The following ZNF30 variants were observed in gnomAD, a reference collection of about 807,000 sequenced individuals.
The protein encoded by ZNF30 is zinc finger protein 30.
ZNF30 carries 15 observed loss-of-function variants against 13.2 expected under a neutral mutation model. The observed-to-expected ratio is 1.13, with a 90% CI of 0.76 to 1.75. ZNF30 has a LOEUF of 1.75. Among genes scored for constraint, ZNF30 ranks in the 40% most tolerant of loss-of-function variants. ZNF30 has a pLI of 0.00. For missense variants in ZNF30, 726 were observed against 757.0 expected, an observed-to-expected ratio of 0.96 and a Z score of 0.48; for synonymous variants, 223 against 256.6, an observed-to-expected ratio of 0.87 and a Z score of 1.25.
chr19:34,928,308 A>C (rs1327182317), intron 1 of ZNF30, among the ~76,000 whole-genome samples: 2 of 147,496 alleles, frequency 1.4e-5, no homozygotes, highest in African/African-American at 4.9e-5. Flanking sequence ...CAAGTGTTTA[A>C]TTAAAATGAA....
chr19:34,924,214 T>G (rs1023936838), upstream of ZNF30, among the ~76,000 whole-genome samples: 1 of 152,192 alleles, frequency 6.6e-6, no homozygotes, highest in Non-Finnish European at 1.5e-5. Flanking sequence ...CTGTCATCTA[T>G]GGAGTGATCA....
At chr19:34,938,975 A>T (rs969386909) in intron 4 of ZNF30, among the ~76,000 whole-genome samples, 1 of 152,140 alleles carries the variant, frequency 6.6e-6, no homozygotes, top group Non-Finnish European at 1.5e-5. Context: ...ACCCTTAGCA[A>T]TTCCACGGGC....
At chr19:34,926,642 T>C (rs1180837721), upstream of ZNF30, 3 of 246,084 alleles carry the variant, frequency 1.2e-5, no homozygotes, top group Non-Finnish European at 2.3e-5. Context: ...TTCAAACACC[T>C]AGTTTTCATA....
intron 4 of ZNF30, among the ~76,000 whole-genome samples, chr19:34,939,826 C>G (rs1227359290): frequency 6.6e-6 from 1 of 152,108 alleles, no homozygotes; most frequent in African/African-American, 2.4e-5. Flanking sequence ...GCATAATTGA[C>G]AAATAATGAT....
intron 4 of ZNF30, among the ~76,000 whole-genome samples, chr19:34,938,549 A>G (rs1244680705): frequency 6.6e-6 from 1 of 152,062 alleles, no homozygotes; most frequent in African/African-American, 2.4e-5. Context: ...CTCTATATCT[A>G]TATATATAAA....
At chr19:34,933,127 A>G (rs1263925974) in intron 3 of ZNF30, among the ~76,000 whole-genome samples, 1 of 152,044 alleles carries the variant, frequency 6.6e-6, no homozygotes, top group Non-Finnish European at 1.5e-5. Context: ...ATCTATATTT[A>G]TAATAGTTAG....
rs1045798511 is a variant in ZNF30, at chr19:34,943,692, A to G, written c.726A>G (p.Leu242=). 14 of 1,613,246 alleles carry G rather than the reference A, an allele frequency of 8.7e-6. No homozygotes were observed. Among genetic ancestry groups the G allele is most frequent in the African/African-American group, 2.7e-5 (2 of 74,908 alleles). The change falls in exon 5 of 5, where the codon CTA becomes CTG. Residue 242 remains leucine (L), a synonymous_variant. Transcript: ENST00000601142. The part of the protein sequence containing the change: ...YECGECGKAF[L]VYGKLTRHQS... Reference sequence around the variant, plus strand: ...GCGGGGAATGTGGGAAAGCTTTTCTAGTATATGGAAAGCTTACCCGGCATC... The same window carrying G: ...GCGGGGAATGTGGGAAAGCTTTTCTGGTATATGGAAAGCTTACCCGGCATC...
chr19:34,931,786 T>C (rs1274604119), intron 2 of ZNF30, 57 bp from the exon 3 acceptor site: 5 of 1,559,940 alleles, frequency 3.2e-6, no homozygotes, highest in African/African-American at 1.4e-5. Flanking sequence ...CTTACTACAC[T>C]GAAACGTTTT....
At position 34,944,205 on chromosome 19, in the gene ZNF30, A is replaced by G. The variant is rs1393214127; in HGVS notation, c.1239A>G (p.Ser413=). The G allele has an allele frequency of 3.1e-6, 5 of 1,613,936 alleles. No homozygotes were observed. Among genetic ancestry groups the G allele is most frequent in the Non-Finnish European group, 4.2e-6 (5 of 1,179,998 alleles). Residue 413 remains serine (S), a synonymous_variant, in exon 5 of 5, where the codon TCA becomes TCG. Transcript: ENST00000601142. ...GTGGCAAGGCCTTTAGTACTGGCTCATACCTTGTTCAGCATCAGAGGATCC... is the reference window on the plus strand; with the variant it reads ...GTGGCAAGGCCTTTAGTACTGGCTCGTACCTTGTTCAGCATCAGAGGATCC... ...KECGKAFSTG[S]YLVQHQRIHT...
At chr19:34,925,336 A>C (rs1194956308), upstream of ZNF30, among the ~76,000 whole-genome samples, 4 of 152,186 alleles carry the variant, frequency 2.6e-5, no homozygotes, top group African/African-American at 7.2e-5. Context: ...TTGGAGGATG[A>C]CTGCAGGGTT....
In ZNF30 at chr19:34,945,066, A is replaced by T; in HGVS notation, c.*228A>T. ...CCATTCAGAAAAAGTGGGAAACGTT[A>T]TTACTTAATGGTTACAGCACTGACA... On this transcript the variant is annotated 3_prime_UTR_variant, in exon 5 of 5. Coordinates refer to ENST00000601142, the MANE Select transcript of ZNF30 (RefSeq NM_194325.3). 1 of 461,320 alleles carries T rather than the reference A, an allele frequency of 2.2e-6. No individual in the cohort carries two copies. Among genetic ancestry groups the T allele is most frequent in the East Asian group, 3.2e-5 (1 of 31,242 alleles). 28.6% of individuals were successfully genotyped at this position (461,320 alleles called of 1,614,324 possible).
In ZNF30 at chr19:34,944,639, A is replaced by C. The variant is rs776691340; in HGVS notation, c.1673A>C (p.His558Pro). Residue 558 changes from histidine to proline, a missense_variant, in exon 5 of 5, where the codon CAT (histidine) becomes CCT (proline). Transcript: ENST00000601142. Reference sequence around the variant, plus strand: ...ACTGTTTATGGACAACTTATTGGACATCAGAGTGTTCACACTGGTGAGAAA... The same window carrying C: ...ACTGTTTATGGACAACTTATTGGACCTCAGAGTGTTCACACTGGTGAGAAA... ...AFTVYGQLIG[H>P]QSVHTGEKPF... 6.8e-6 allele frequency: 11 copies of C among 1,614,100 alleles called. No homozygotes were observed. Among genetic ancestry groups the C allele is most frequent in the Non-Finnish European group, 8.5e-6 (10 of 1,180,032 alleles).
upstream of ZNF30, among the ~76,000 whole-genome samples, chr19:34,925,363 C>T (rs2012027308): frequency 6.6e-6 from 1 of 152,212 alleles, no homozygotes; most frequent in Admixed American, 6.5e-5. Context: ...GGAAGTAGCT[C>T]TCAACAGTTG....
intron 4 of ZNF30, among the ~76,000 whole-genome samples, chr19:34,941,050 C>T (rs577291966): frequency 2.7e-4 from 41 of 152,268 alleles, no homozygotes; most frequent in Non-Finnish European, 3.7e-4. Context: ...TTGAAAGGCA[C>T]GGTACTTTTT....
upstream of ZNF30, among the ~76,000 whole-genome samples, chr19:34,924,488 C>A (rs2011999996): frequency 6.6e-6 from 1 of 152,166 alleles, no homozygotes; most frequent in Non-Finnish European, 1.5e-5. Context: ...ACATCCCCAT[C>A]TCAGAGAGCA....
intron 4 of ZNF30, among the ~76,000 whole-genome samples, chr19:34,935,700 G>GTTT (rs142285130): frequency 1.2e-5 from 1 of 84,220 alleles, no homozygotes. Flanking sequence ...GTTGTCTATA[G>GTTT]TTTTTTTTTT....
rs183883947 is a variant in ZNF30 at position 34,932,284 on chromosome 19, T to G, written c.160+291T>G. Among the ~76,000 whole-genome samples, 1,354 of 152,296 alleles carry G rather than the reference T, an allele frequency of 8.9e-3. 32 individuals are homozygous for G. In the South Asian group the frequency reaches 0.098, roughly 11 times the overall value. The stretch of plus-strand genomic sequence containing the variant: ...GCAGGCAGAACAGCTAGACAAAGGG[T>G]CTTGATTTGTTCTATCTGAAGACCT... On this transcript the variant is annotated intron_variant, in intron 3 of 4. Transcript: ENST00000601142.
At chr19:34,932,891 C>T (rs1481086268) in intron 3 of ZNF30, among the ~76,000 whole-genome samples, 1 of 151,518 alleles carries the variant, frequency 6.6e-6, no homozygotes, top group African/African-American at 2.4e-5. Flanking sequence ...AGTGATTCTC[C>T]TGCCTCAGCC....
chr19:34,933,635 C>A lies in ZNF30; in HGVS notation c.168C>A (p.Ser56=). The change falls in exon 4 of 5, where the codon TCC becomes TCA. Residue 56 remains serine, a synonymous_variant. Transcript: ENST00000601142. The part of the protein sequence containing the change: ...NYRNLVSMGH[S]RSKPHVIALL... ...TTCTTATCTCATAAGCAGGACATTC[C>A]CGTTCTAAACCACATGTGATCGCCT... is the stretch of plus-strand genomic sequence containing the variant. The A allele has an allele frequency of 1.3e-6, 2 of 1,596,262 alleles. No individual in the cohort carries two copies. Among genetic ancestry groups the A allele is most frequent in the East Asian group, 2.2e-5 (1 of 44,474 alleles).
Sources: gnomAD v4.1 joint callset for allele counts (sites outside exome capture counted in the v4.1 genomes callset) on GRCh38, gnomAD v4.1.1 for gene constraint, MANE v1.5 for transcripts, NCBI Gene and HGNC (gene_info 2026-07-23, HGNC 2026-07-21) for gene names.